The following CCDC18 variants were observed in gnomAD, a reference collection of about 807,000 sequenced individuals.
The protein encoded by CCDC18 is coiled-coil domain-containing protein 18.
Under a neutral mutation model 196.0 loss-of-function variants are expected in CCDC18, and 157 were observed. The observed-to-expected ratio is 0.80, with a 90% confidence interval of 0.70 to 0.91. CCDC18 has a LOEUF of 0.91. Ranked by LOEUF, CCDC18 falls within the 40% of genes least tolerant of loss-of-function variation. The probability of loss-of-function intolerance (pLI) is 0.00; values close to 1 mark genes in which losing one functional copy is unlikely to be tolerated. For synonymous variants in CCDC18, 482 were observed against 529.2 expected (o/e 0.91, Z 1.22); for missense variants, 1,465 against 1,611.6 (o/e 0.91, Z 1.56).
intron 1 of CCDC18, among the ~76,000 whole-genome samples, chr1:93,181,549 T>G (rs1414367): frequency 0.83 from 125,873 of 152,060 alleles, 52,321 homozygotes; most frequent in East Asian, 1. Flanking sequence ...ACAGTAAATG[T>G]CCCACTAGGA....
intron 19 of CCDC18, among the ~76,000 whole-genome samples, chr1:93,237,135 G>A (rs1225884136): frequency 6.6e-6 from 1 of 152,120 alleles, no homozygotes; most frequent in African/African-American, 2.4e-5. Context: ...CCATTGACAG[G>A]GGTCCTTTGT....
At chr1:93,227,971 A>AAAAATATAT (rs57726461) in intron 17 of CCDC18, among the ~76,000 whole-genome samples, 1 of 125,358 alleles carries the variant, frequency 8.0e-6, no homozygotes, top group Non-Finnish European at 1.6e-5. Context: ...AAAAAAAAAA[A>AAAAATATAT]ATATATATAT....
chr1:93,234,936 A>AGAGTGT (rs1553178273), intron 18 of CCDC18, among the ~76,000 whole-genome samples: 1 of 119,348 alleles, frequency 8.4e-6, no homozygotes, highest in African/African-American at 3.4e-5. Context: ...CCCAGCTAAG[A>AGAGTGT]GTGTGTGTGT....
rs150497461 is a variant in CCDC18, at chr1:93,210,886, G to A, written c.1294G>A (p.Gly432Ser). 6.2e-7 allele frequency: 1 copy of A among 1,613,784 alleles called. No homozygotes were observed. Among genetic ancestry groups the A allele is most frequent in the African/African-American group, 1.3e-5 (1 of 75,010 alleles). Reference sequence around the variant, plus strand: ...CTCAAACAAGGAAGACCGTTGCATTGGCTGCTGTGAGGCAAATAAATTGGT... The same window carrying A: ...CTCAAACAAGGAAGACCGTTGCATTAGCTGCTGTGAGGCAAATAAATTGGT... ...SFSNKEDRCI[G>S]CCEANKLVIS... Residue 432 changes from glycine (G) to serine (S), a missense_variant, in exon 10 of 29, where the codon GGC becomes AGC. Gly to Ser is a moderately conservative substitution (Grantham distance 56). Coordinates refer to ENST00000690025, the MANE Select transcript of CCDC18 (RefSeq NM_001378204.1).
intron 21 of CCDC18, among the ~76,000 whole-genome samples, chr1:93,241,045 C>T (rs1009860289): frequency 2.0e-5 from 3 of 152,026 alleles, no homozygotes; most frequent in African/African-American, 7.2e-5. Flanking sequence ...GCAGCCTCCA[C>T]CTCCTGTTCA....
intron 17 of CCDC18, among the ~76,000 whole-genome samples, chr1:93,230,193 G>A (rs809515): frequency 0.29 from 43,510 of 151,754 alleles, 9,448 homozygotes; most frequent in African/African-American, 0.61. Context: ...AATTTGTTCT[G>A]TATTTACTTT....
At chr1:93,190,514 G>A (rs922008924) in intron 4 of CCDC18, among the ~76,000 whole-genome samples, 2 of 152,082 alleles carry the variant, frequency 1.3e-5, no homozygotes, top group African/African-American at 4.8e-5. Context: ...TCAGGTGTTA[G>A]TATTTTAGCT....
intron 25 of CCDC18, among the ~76,000 whole-genome samples, chr1:93,257,001 G>A (rs1181328377): frequency 2.0e-5 from 3 of 152,094 alleles, no homozygotes; most frequent in African/African-American, 7.2e-5. Flanking sequence ...GCCGAGGCAG[G>A]CGGATAAGTA....
At chr1:93,193,504 G>C (rs1652186252) in intron 5 of CCDC18, 112 bp from the exon 6 acceptor site, 1 of 622,450 alleles carries the variant, frequency 1.6e-6, no homozygotes, top group Admixed American at 4.2e-5. Flanking sequence ...TTTGTATATT[G>C]TTTCTCTTAA....
rs1160678306 is a variant in CCDC18 at position 93,180,869 on chromosome 1, C to G, written c.-3+17C>G. 7.3e-7 allele frequency: 1 copy of G among 1,365,552 alleles called. No individual in the cohort carries two copies. The allele number at this position is 1,365,552 out of a possible 1,614,324, so 84.6% of individuals were successfully genotyped here. ...AGTCGCCGGGTGGGTCTCTCCCCAG[C>G]GACGATTTGGGTGGTGAGCGACTGC... On this transcript the variant is annotated intron_variant, in intron 1 of 28. Coordinates refer to ENST00000690025, the MANE Select transcript of CCDC18 (RefSeq NM_001378204.1).
rs550584572 is a variant in CCDC18, at chr1:93,205,841, A to G, written c.917+210A>G. Among the ~76,000 whole-genome samples the G allele has an allele frequency of 2.6e-5, 4 of 152,312 alleles. No homozygotes were observed. In the East Asian group the frequency reaches 7.7e-4, roughly 29 times the overall value. On this transcript the variant is annotated intron_variant, in intron 8 of 28. Coordinates refer to ENST00000690025, the MANE Select transcript of CCDC18 (RefSeq NM_001378204.1). Reference sequence around the variant, plus strand: ...TAATAATATTTGTAAATACGGAGACATACTGATCAACATATTTGCTTTGCA... The same window carrying G: ...TAATAATATTTGTAAATACGGAGACGTACTGATCAACATATTTGCTTTGCA...
At chr1:93,253,130 A>G (rs1662486324) in intron 23 of CCDC18, among the ~76,000 whole-genome samples, 1 of 152,168 alleles carries the variant, frequency 6.6e-6, no homozygotes, top group Non-Finnish European at 1.5e-5. Context: ...GCCCAGTCTC[A>G]GCTTAGAGGG....
Position 93,246,860 on chromosome 1 carries a change from T to C in CCDC18, c.3104T>C (p.Ile1035Thr). The change falls in exon 23 of 29, where the codon ATT (isoleucine) becomes ACT (threonine). Residue 1035 changes from isoleucine (I) to threonine (T), a missense_variant. Transcript: ENST00000690025. ...TAGGTTACACATTTGGATATGACTA[T>C]TCGTGAGCACAGAGGAGAAATGGAA... ...AAQVTHLDMTIREHRGEMEQK... is the reference protein window; with the variant it reads ...AAQVTHLDMTTREHRGEMEQK... The C allele has an allele frequency of 6.5e-7, 1 of 1,531,150 alleles. No homozygotes were observed. The highest frequency in any genetic ancestry group is 9.0e-7 in the Non-Finnish European group (1 of 1,114,372). 94.8% of individuals were successfully genotyped at this position (1,531,150 alleles called of 1,614,324 possible).
rs758076572 is a variant in CCDC18, at chr1:93,239,923, CA to C, written c.2981+28del. On this transcript the variant is annotated intron_variant, in intron 21 of 28. Transcript: ENST00000690025. ...TGAGTTAAATAATAAGAAATTATAT[CA>C]CAGTTATAAGTCCTTGGATAATACA... 2.0e-5 allele frequency: 27 copies of C among 1,377,068 alleles called. No homozygotes were observed. In the African/African-American group the frequency reaches 3.7e-4, roughly 19 times the overall value. 85.3% of individuals were successfully genotyped at this position (1,377,068 alleles called of 1,614,324 possible).
upstream of CCDC18, chr1:93,180,201 CAGA>C (rs1557583771): frequency 2.5e-6 from 4 of 1,613,238 alleles, no homozygotes; most frequent in Non-Finnish European, 3.4e-6. Context: ...GCAGAGCGGC[CAGA>C]AGGAGCACGG....
At chr1:93,241,144 G>A (rs889852721) in intron 21 of CCDC18, among the ~76,000 whole-genome samples, 8 of 151,828 alleles carry the variant, frequency 5.3e-5, no homozygotes, top group African/African-American at 7.3e-5. Context: ...TAATAGAGGC[G>A]GGGTTTCACC....
intron 23 of CCDC18, among the ~76,000 whole-genome samples, chr1:93,251,545 G>A (rs1662251927): frequency 6.6e-6 from 1 of 151,898 alleles, no homozygotes; most frequent in Non-Finnish European, 1.5e-5. Context: ...ACTCTGCTTG[G>A]CACGGTATTC....
chr1:93,184,980 A>G (rs1050152089), intron 3 of CCDC18, among the ~76,000 whole-genome samples: 4 of 151,968 alleles, frequency 2.6e-5, no homozygotes, highest in African/African-American at 9.7e-5. Context: ...GAAAACAATA[A>G]TGATAATGCC....
intron 19 of CCDC18, among the ~76,000 whole-genome samples, chr1:93,237,055 C>T (rs369057323): frequency 5.3e-4 from 81 of 152,300 alleles, no homozygotes; most frequent in South Asian, 2.3e-3. Flanking sequence ...GCCCACCCTT[C>T]TACCAACAGG....
Sources: gnomAD v4.1 joint callset for allele counts (sites outside exome capture counted in the v4.1 genomes callset) on GRCh38, gnomAD v4.1.1 for gene constraint, MANE v1.5 for transcripts, NCBI Gene and HGNC (gene_info 2026-07-23, HGNC 2026-07-21) for gene names.